KCNU1: variants seen among roughly 807,000 people sequenced by gnomAD.
KCNU1 encodes potassium channel subfamily U member 1.
KCNU1 carries 93 observed loss-of-function variants against 126.8 expected under a neutral mutation model. That is an observed-to-expected ratio of 0.73 (90% CI 0.62 to 0.87). The LOEUF is 0.87. KCNU1 is among the 40% of genes least tolerant of loss of function. KCNU1 has a pLI of 0.00. For synonymous variants in KCNU1, 523 were observed against 494.2 expected (o/e 1.06, Z -0.77); for missense variants, 1,330 against 1,367.1 (o/e 0.97, Z 0.43).
chr8:36,815,542 G>T, intron 8 of KCNU1, 54 bp from the exon 9 acceptor site: 1 of 856,318 alleles, frequency 1.2e-6, no homozygotes. Flanking sequence ...GAAATTTTTG[G>T]AGTATCCATC....
chr8:36,850,686 G>A (rs1408663203), intron 18 of KCNU1, among the ~76,000 whole-genome samples: 1 of 152,118 alleles, frequency 6.6e-6, no homozygotes, highest in Non-Finnish European at 1.5e-5. Flanking sequence ...CGAGCTCCTA[G>A]GCTTAAGTGA....
At chr8:36,866,093 G>A (rs1805902747) in intron 19 of KCNU1, among the ~76,000 whole-genome samples, 1 of 152,154 alleles carries the variant, frequency 6.6e-6, no homozygotes, top group Middle Eastern at 3.4e-3. Flanking sequence ...CCGGCTGCTA[G>A]TATGTCCTCA....
intron 24 of KCNU1, chr8:36,923,097 G>C (rs1045766319): frequency 1.1e-5 from 5 of 456,082 alleles, no homozygotes; most frequent in Non-Finnish European, 1.8e-5. Flanking sequence ...CTCCTCTCAT[G>C]GGGGGCATTC....
intron 10 of KCNU1, among the ~76,000 whole-genome samples, chr8:36,818,041 C>A (rs1369687301): frequency 6.6e-6 from 1 of 152,116 alleles, no homozygotes; most frequent in African/African-American, 2.4e-5. Flanking sequence ...TGACTATAAT[C>A]TTATGCAAAA....
intron 24 of KCNU1, among the ~76,000 whole-genome samples, chr8:36,926,826 G>A (rs936935079): frequency 2.0e-5 from 3 of 152,088 alleles, no homozygotes; most frequent in Non-Finnish European, 2.9e-5. Flanking sequence ...GACTCTAAAC[G>A]TTGGGTTCCT....
chr8:36,843,359 G>T (rs1311758508), intron 16 of KCNU1, among the ~76,000 whole-genome samples: 2 of 152,146 alleles, frequency 1.3e-5, no homozygotes, highest in Non-Finnish European at 2.9e-5. Context: ...TTCTGATTTG[G>T]CAAATGTATT....
intron 2 of KCNU1, among the ~76,000 whole-genome samples, 197 bp from the exon 3 acceptor site, chr8:36,803,830 T>C (rs1803398618): frequency 6.6e-6 from 1 of 152,156 alleles, no homozygotes; most frequent in Non-Finnish European, 1.5e-5. Context: ...ATTTTTTTAA[T>C]ACTCAGAAAA....
intron 2 of KCNU1, among the ~76,000 whole-genome samples, chr8:36,791,456 G>C (rs1261384615): frequency 1.3e-5 from 2 of 151,908 alleles, no homozygotes; most frequent in Non-Finnish European, 2.9e-5. Context: ...TGTTTTTCTG[G>C]CTTCTCTGGC....
At chr8:36,837,039 G>A (rs1206760210) in intron 14 of KCNU1, 94 bp downstream of exon 14, 5 of 1,213,282 alleles carry the variant, frequency 4.1e-6, no homozygotes, top group Non-Finnish European at 5.9e-6. Context: ...AAAGCATCAA[G>A]GCCCCAAGCA....
intron 18 of KCNU1, among the ~76,000 whole-genome samples, chr8:36,861,618 T>C (rs1365327772): frequency 1.3e-5 from 2 of 152,200 alleles, no homozygotes; most frequent in East Asian, 1.9e-4. Context: ...AATATCACTT[T>C]TTAGGAATGT....
intron 14 of KCNU1, among the ~76,000 whole-genome samples, chr8:36,838,325 A>G (rs76549500): frequency 1.3e-5 from 2 of 152,256 alleles, no homozygotes; most frequent in African/African-American, 4.8e-5. Context: ...TGAACTCTAT[A>G]TGAAGACTTA....
At chr8:36,850,369 AG>A (rs1805297262) in intron 18 of KCNU1, among the ~76,000 whole-genome samples, 1 of 151,908 alleles carries the variant, frequency 6.6e-6, no homozygotes. Flanking sequence ...ATATCTAAGA[AG>A]GTTTTGATCA....
intron 10 of KCNU1, among the ~76,000 whole-genome samples, chr8:36,829,667 C>A (rs371705665): frequency 6.6e-6 from 1 of 150,890 alleles, no homozygotes; most frequent in Non-Finnish European, 1.5e-5. Context: ...TTATGAAAAA[C>A]TGCAGAAATT....
chr8:36,867,828 A>C (rs1805965256), intron 19 of KCNU1, among the ~76,000 whole-genome samples: 2 of 152,206 alleles, frequency 1.3e-5, no homozygotes, highest in African/African-American at 4.8e-5. Flanking sequence ...TAAAGCAGGC[A>C]TCTAAAGGGA....
At chr8:36,867,259 G>A (rs868671507) in intron 19 of KCNU1, among the ~76,000 whole-genome samples, 1 of 152,104 alleles carries the variant, frequency 6.6e-6, no homozygotes, top group East Asian at 1.9e-4. Context: ...GCTTCCTGTT[G>A]GGGGTGGGAT....
At chr8:36,819,871 C>T (rs1804057060) in intron 10 of KCNU1, among the ~76,000 whole-genome samples, 1 of 152,114 alleles carries the variant, frequency 6.6e-6, no homozygotes, top group Non-Finnish European at 1.5e-5. Context: ...TCTTTCTTCT[C>T]CCTTTGAATC....
At chr8:36,896,139 A>G (rs1295055735) in intron 19 of KCNU1, among the ~76,000 whole-genome samples, 1 of 152,002 alleles carries the variant, frequency 6.6e-6, no homozygotes, top group Non-Finnish European at 1.5e-5. Context: ...CTATAATTTA[A>G]GAAATTTAAA....
At chr8:36,839,844 A>G (rs1292026923) in intron 14 of KCNU1, among the ~76,000 whole-genome samples, 1 of 152,170 alleles carries the variant, frequency 6.6e-6, no homozygotes, top group African/African-American at 2.4e-5. Context: ...ACGAGTTCCT[A>G]ACAGCCTTTC....
intron 19 of KCNU1, among the ~76,000 whole-genome samples, chr8:36,892,369 C>T (rs577241593): frequency 6.6e-6 from 1 of 152,088 alleles, no homozygotes; most frequent in Non-Finnish European, 1.5e-5. Flanking sequence ...TGTTCTCATA[C>T]TTTTCTTTAG....
Sources: allele counts gnomAD v4.1 joint callset (sites outside exome capture counted in the v4.1 genomes callset), GRCh38; gene constraint gnomAD v4.1.1; transcripts MANE v1.5; gene names NCBI Gene and HGNC (gene_info 2026-07-23, HGNC 2026-07-21).